ABCF3: variants seen among roughly 807,000 people sequenced by gnomAD.
ABCF3 encodes the protein ATP binding cassette subfamily F member 3, also known as ATP-binding cassette sub-family F member 3.
Under a neutral mutation model 94.3 loss-of-function variants are expected in ABCF3, and 62 were observed. The ratio of observed to expected loss-of-function variants is 0.66; its 90% confidence interval spans 0.54 to 0.81. ABCF3 has a LOEUF of 0.81. Ranked by LOEUF, ABCF3 falls within the 40% of genes least tolerant of loss-of-function variation. The pLI is 0.00. For missense variants in ABCF3, 843 were observed against 925.3 expected, an observed-to-expected ratio of 0.91 and a Z score of 1.15; for synonymous variants, 355 against 361.1, an observed-to-expected ratio of 0.98 and a Z score of 0.19.
chr3:184,190,026 C>T, intron 14 of ABCF3, 95 bp downstream of exon 14: 1 of 1,342,144 alleles, frequency 7.5e-7, no homozygotes, highest in South Asian at 1.2e-5. Context: ...CTAGGTCTCC[C>T]CTTCGCTAGA....
At chr3:184,186,483 C>G in intron 1 of ABCF3, 24 bp from the exon 2 acceptor site, 1 of 1,598,652 alleles carries the variant, frequency 6.3e-7, no homozygotes, top group Non-Finnish European at 8.5e-7. Flanking sequence ...CGATACCTTC[C>G]TCGTTCTACC....
chr3:184,191,068 G>T (rs1715990040), intron 15 of ABCF3, 25 bp downstream of exon 15: 1 of 1,614,242 alleles, frequency 6.2e-7, no homozygotes, highest in East Asian at 2.2e-5. Flanking sequence ...AGTGGGGCTG[G>T]TGGGGAATTG....
In ABCF3 at chr3:184,186,839, G is replaced by A. The variant is rs144267642; in HGVS notation, c.265G>A (p.Ala89Thr). The A allele has an allele frequency of 1.0e-4, 163 of 1,614,040 alleles. No homozygotes were observed. The African/African-American group carries it at 1.8e-3, about 18-fold the overall frequency. Residue 89 changes from alanine to threonine, a missense_variant, in exon 3 of 21, where the codon GCC becomes ACC. Transcript: ENST00000429586. ...SQGNSQVLLDAPIQLSKITEN... is the reference protein window; with the variant it reads ...SQGNSQVLLDTPIQLSKITEN... The stretch of plus-strand genomic sequence containing the variant: ...GGGAAATAGCCAGGTGCTACTGGAC[G>A]CCCCTATCCAGTTGTCAAAGATAAC...
chr3:184,191,465 TTTAAAAATAC>T (rs567912066), intron 16 of ABCF3, among the ~76,000 whole-genome samples: 185 of 152,292 alleles, frequency 1.2e-3, no homozygotes, highest in Non-Finnish European at 1.9e-3. Context: ...TGTATAGTGT[TTTAAAAATAC>T]TTAAAAATAC....
At chr3:184,186,451 C>T in intron 1 of ABCF3, 56 bp from the exon 2 acceptor site, 7 of 1,583,840 alleles carry the variant, frequency 4.4e-6, no homozygotes, top group Non-Finnish European at 6.0e-6. Flanking sequence ...GGGTCTGAAA[C>T]TGCTTGTGTG....
chr3:184,187,157 T>A (rs1403061436), intron 3 of ABCF3: 1 of 637,118 alleles, frequency 1.6e-6, no homozygotes, highest in Non-Finnish European at 2.7e-6. Flanking sequence ...AGCTGCATGA[T>A]CTTGTAAGAG....
At position 184,190,979 on chromosome 3, in the gene ABCF3, T is replaced by G. The variant is rs778944409; in HGVS notation, c.1392-20T>G. ...ATTTTTTTAAGTAATAAATCTAGTC[T>G]ACCTCATCTCTTCTCCCAGGCCTGA... On this transcript the variant is annotated intron_variant, in intron 14 of 20. Transcript: ENST00000429586. The G allele has an allele frequency of 6.2e-6, 10 of 1,613,726 alleles. No individual in the cohort carries two copies. The highest frequency in any genetic ancestry group is 8.5e-6 in the Non-Finnish European group (10 of 1,179,876).
chr3:184,188,595 GC>G (rs1256467285), intron 7 of ABCF3, 165 bp from the exon 8 acceptor site: 1 of 1,013,062 alleles, frequency 9.9e-7, no homozygotes, highest in Admixed American at 2.8e-5. Context: ...TTTCCACAGT[GC>G]CCATTTCCAT....
At position 184,187,912 on chromosome 3, in the gene ABCF3, G is replaced by T. The variant is rs760730135; in HGVS notation, c.498G>T (p.Arg166=). The T allele has an allele frequency of 3.7e-6, 6 of 1,614,156 alleles. No individual in the cohort carries two copies. Among genetic ancestry groups the T allele is most frequent in the Non-Finnish European group, 5.1e-6 (6 of 1,180,048 alleles). ...ASQAGSRKES[R]LESSGKNKSY... ...AGGCAGGCAGCAGAAAGGAGAGTCG[G>T]TTGGAATCATCTGGCAAGAACAAAT... Residue 166 remains arginine, a synonymous_variant, in exon 6 of 21, where the codon CGG becomes CGT. Transcript: ENST00000429586.
chr3:184,190,534 C>T (rs564273102), intron 14 of ABCF3: 7 of 166,228 alleles, frequency 4.2e-5, no homozygotes, highest in African/African-American at 1.7e-4. Flanking sequence ...GCAACAACAT[C>T]ATTTTACATT....
At chr3:184,192,274 T>G (rs1327995116) in intron 16 of ABCF3, among the ~76,000 whole-genome samples, 1 of 152,214 alleles carries the variant, frequency 6.6e-6, no homozygotes, top group Non-Finnish European at 1.5e-5. Context: ...ATTTATCACT[T>G]TATGTTGGGA....
chr3:184,190,096 G>T, intron 14 of ABCF3, 165 bp downstream of exon 14: 1 of 700,894 alleles, frequency 1.4e-6, no homozygotes. Flanking sequence ...TTCTTGGAGG[G>T]CTAATCTTGA....
In ABCF3 at chr3:184,188,196, G is replaced by T. The variant is rs1715766731; in HGVS notation, c.625G>T (p.Val209Leu). The T allele has an allele frequency of 4.3e-6, 7 of 1,614,096 alleles. No individual in the cohort carries two copies. The highest frequency in any genetic ancestry group is 5.9e-6 in the Non-Finnish European group (7 of 1,180,044). The change falls in exon 7 of 21, where the codon GTG (valine) becomes TTG (leucine). Residue 209 changes from valine (V) to leucine (L), a missense_variant. Coordinates refer to ENST00000429586, the MANE Select transcript of ABCF3 (RefSeq NM_018358.3). ...GGCATGGGGCCGCCGTTACGGGCTG[G>T]TGGGGCGGAATGGGTTGGGGAAGAC... Reference protein sequence around the residue: ...NLAWGRRYGLVGRNGLGKTTL... With the variant: ...NLAWGRRYGLLGRNGLGKTTL...
intron 7 of ABCF3, 62 bp from the exon 8 acceptor site, chr3:184,188,699 G>A: frequency 1.3e-6 from 2 of 1,532,810 alleles, no homozygotes; most frequent in Non-Finnish European, 1.8e-6. Flanking sequence ...AACGGTATAG[G>A]GTGCAGGACA....
Position 184,192,849 on chromosome 3 carries a change from T to C in ABCF3, c.1703T>C (p.Leu568Pro). Residue 568 changes from leucine (L) to proline (P), a missense_variant, in exon 18 of 21, where the codon CTG becomes CCG. Transcript: ENST00000429586. Reference sequence around the variant, plus strand: ...TTCAGCCAGCACCATGTGGAGCAGCTGGACCTAAACGTCAGTGCTGTGGAA... The same window carrying C: ...TTCAGCCAGCACCATGTGGAGCAGCCGGACCTAAACGTCAGTGCTGTGGAA... ...GYFSQHHVEQ[L>P]DLNVSAVELL... The C allele has an allele frequency of 6.2e-7, 1 of 1,614,232 alleles. No individual in the cohort carries two copies. Among genetic ancestry groups the C allele is most frequent in the Non-Finnish European group, 8.5e-7 (1 of 1,180,030 alleles).
rs757863985 is a variant in ABCF3 at position 184,193,178 on chromosome 3, C to T, written c.1827C>T (p.Ala609=). 6.4e-7 allele frequency: 1 copy of T among 1,567,538 alleles called. No individual in the cohort carries two copies. The highest frequency in any genetic ancestry group is 1.4e-5 in the African/African-American group (1 of 73,552). ...ISGELAMRPL[A]SLSGGQKSRV... is the part of the protein sequence containing the mutation. ...GAGAACTGGCCATGCGTCCTCTTGCCAGCCTGTCTGGGGGCCAGAAGAGCC... is the reference window on the plus strand; with the variant it reads ...GAGAACTGGCCATGCGTCCTCTTGCTAGCCTGTCTGGGGGCCAGAAGAGCC... Residue 609 remains alanine (A), a synonymous_variant, in exon 19 of 21, where the codon GCC becomes GCT. Coordinates refer to ENST00000429586, the MANE Select transcript of ABCF3 (RefSeq NM_018358.3). The surrounding 1 kb of genome is among the most constrained non-coding windows in gnomAD (Gnocchi z 5.2).
chr3:184,191,004 A>C lies in ABCF3; in HGVS notation c.1397A>C (p.Glu466Ala), dbSNP rs763181508. Residue 466 changes from glutamate (E) to alanine (A), a missense_variant, in exon 15 of 21, where the codon GAG becomes GCG. Transcript: ENST00000429586. Reference sequence around the variant, plus strand: ...TACCTCATCTCTTCTCCCAGGCCTGAGCTGAAGCCTGTGGACAAGGAATCA... The same window carrying C: ...TACCTCATCTCTTCTCCCAGGCCTGCGCTGAAGCCTGTGGACAAGGAATCA... The part of the protein sequence containing the change: ...SKLKMLEKLP[E>A]LKPVDKESEV... The C allele has an allele frequency of 6.2e-7, 1 of 1,614,092 alleles. No homozygotes were observed. Among genetic ancestry groups the C allele is most frequent in the South Asian group, 1.1e-5 (1 of 91,078 alleles).
chr3:184,193,482 C>T lies in ABCF3; in HGVS notation c.1971+30C>T. 4 of 1,614,126 alleles carry T rather than the reference C, an allele frequency of 2.5e-6. No individual in the cohort carries two copies. Among genetic ancestry groups the T allele is most frequent in the Non-Finnish European group, 2.5e-6 (3 of 1,180,006 alleles). ...GTGTGCCTTCACCCTGACCACTCCT[C>T]CCAGGCCTCGGTGCCTCTTGTGTCC... On this transcript the variant is annotated intron_variant, in intron 20 of 20. Transcript: ENST00000429586. This position sits in a 1 kb window ranked among gnomAD's most constrained non-coding sequence, Gnocchi z 5.2.
chr3:184,188,161 A>T lies in ABCF3; in HGVS notation c.590A>T (p.Asp197Val). 1.2e-6 allele frequency: 2 copies of T among 1,613,952 alleles called. No individual in the cohort carries two copies. The highest frequency in any genetic ancestry group is 1.7e-6 in the Non-Finnish European group (2 of 1,180,026). ...FGDRVLLAGA[D>V]VNLAWGRRYG... is the part of the protein sequence containing the mutation. ...TGCAGAGTACTGCTGGCTGGAGCGG[A>T]TGTGAACCTGGCATGGGGCCGCCGT... The change falls in exon 7 of 21, where the codon GAT becomes GTT. Residue 197 changes from aspartate to valine, a missense_variant. Transcript: ENST00000429586.
Sources: gnomAD v4.1 joint callset for allele counts (sites outside exome capture counted in the v4.1 genomes callset) on GRCh38, gnomAD v4.1.1 for gene constraint, Gnocchi (gnomAD v3.1) non-coding constraint, MANE v1.5 for transcripts, NCBI Gene and HGNC (gene_info 2026-07-23, HGNC 2026-07-21) for gene names.